The following CARMIL1 variants were observed in gnomAD, a reference collection of about 807,000 sequenced individuals.
CARMIL1 encodes F-actin-uncapping protein LRRC16A.
A neutral mutation model predicts 177.1 loss-of-function variants in CARMIL1; 90 were observed. That is an observed-to-expected ratio of 0.51 (90% CI 0.43 to 0.61). The LOEUF is 0.61. CARMIL1 is among the 20% of genes least tolerant of loss of function. The pLI, the probability that CARMIL1 is intolerant of heterozygous loss-of-function variation, is 0.00. For synonymous variants in CARMIL1, 577 were observed against 606.2 expected, an observed-to-expected ratio of 0.95 and a Z score of 0.71; for missense variants, 1,380 against 1,667.0, an observed-to-expected ratio of 0.83 and a Z score of 3.00.
At chr6:25,528,968 C>T (rs1055822664) in intron 24 of CARMIL1, 75 bp downstream of exon 24, 12 of 1,128,198 alleles carry the variant, frequency 1.1e-5, no homozygotes, top group South Asian at 8.5e-5. Flanking sequence ...TTCTAGCATT[C>T]GAGTAATTTC....
chr6:25,487,487 T>C (rs1321084039), intron 12 of CARMIL1, among the ~76,000 whole-genome samples: 1 of 152,230 alleles, frequency 6.6e-6, no homozygotes, highest in Non-Finnish European at 1.5e-5. Flanking sequence ...AAATAATTTA[T>C]AAAAGGATAC....
intron 2 of CARMIL1, among the ~76,000 whole-genome samples, chr6:25,309,621 G>C (rs116396574): frequency 1.4e-3 from 212 of 151,862 alleles, no homozygotes; most frequent in African/African-American, 4.8e-3. Context: ...TATATAAATG[G>C]AATTATATAA....
chr6:25,504,926 C>A (rs941634987), intron 17 of CARMIL1, among the ~76,000 whole-genome samples: 6 of 152,114 alleles, frequency 3.9e-5, no homozygotes, highest in African/African-American at 9.7e-5. Context: ...GTTTTCAGGG[C>A]CAGCGTCTGG....
chr6:25,337,442 A>G (rs1030401500), intron 2 of CARMIL1, among the ~76,000 whole-genome samples: 3 of 152,206 alleles, frequency 2.0e-5, no homozygotes, highest in African/African-American at 7.2e-5. Context: ...ACCTCTATAT[A>G]ATATAAGGAT....
At chr6:25,488,639 G>C in intron 13 of CARMIL1, 54 bp downstream of exon 13, 1 of 1,367,350 alleles carries the variant, frequency 7.3e-7, no homozygotes, top group Non-Finnish European at 1.0e-6. Flanking sequence ...TAATAAGCCT[G>C]GAATAATTCT....
At chr6:25,371,349 TG>T (rs999504409) in intron 2 of CARMIL1, among the ~76,000 whole-genome samples, 1 of 152,232 alleles carries the variant, frequency 6.6e-6, no homozygotes, top group Admixed American at 6.5e-5. Context: ...CCATAGAGGT[TG>T]TACTAATTTA....
chr6:25,301,862 T>G (rs1581494593), intron 2 of CARMIL1, among the ~76,000 whole-genome samples: 1 of 152,200 alleles, frequency 6.6e-6, no homozygotes, highest in African/African-American at 2.4e-5. Context: ...TTCAGAAAAC[T>G]TCAGGCCTTA....
At chr6:25,351,218 G>A (rs1259937474) in intron 2 of CARMIL1, among the ~76,000 whole-genome samples, 1 of 151,856 alleles carries the variant, frequency 6.6e-6, no homozygotes, top group African/African-American at 2.4e-5. Flanking sequence ...GACCTACTGT[G>A]AAACAAAGGA....
At chr6:25,418,426 G>T (rs768797554) in intron 2 of CARMIL1, among the ~76,000 whole-genome samples, 39 of 151,852 alleles carry the variant, frequency 2.6e-4, no homozygotes, top group Non-Finnish European at 5.0e-4. Flanking sequence ...AGCCAGTCTT[G>T]CTACTACCGA....
rs1370793907 is a variant in CARMIL1 at position 25,600,581 on chromosome 6, T to C, written c.3387T>C (p.Pro1129=). The C allele has an allele frequency of 6.2e-7, 1 of 1,613,946 alleles. No homozygotes were observed. Among genetic ancestry groups the C allele is most frequent in the African/African-American group, 1.3e-5 (1 of 75,016 alleles). ...NSERIEEIKT[P]DSFEESQGEE... ...AACGGATAGAGGAGATAAAAACACC[T>C]GACTCCTTTGAAGAGAGTCAAGGGG... Residue 1129 remains proline, a synonymous_variant, in exon 33 of 37, where the codon CCT becomes CCC. Transcript: ENST00000329474.
intron 21 of CARMIL1, among the ~76,000 whole-genome samples, chr6:25,516,347 C>T (rs1452280532): frequency 2.0e-5 from 3 of 152,190 alleles, no homozygotes; most frequent in Non-Finnish European, 4.4e-5. Flanking sequence ...CAGTTTTATT[C>T]CATGTTTCCT....
intron 2 of CARMIL1, among the ~76,000 whole-genome samples, chr6:25,396,017 A>G (rs1339600473): frequency 2.0e-5 from 3 of 152,284 alleles, no homozygotes; most frequent in Admixed American, 2.0e-4. Context: ...CTCTACTGCC[A>G]CTGAAGGGTG....
intron 2 of CARMIL1, among the ~76,000 whole-genome samples, chr6:25,330,375 G>T (rs1466287023): frequency 1.3e-5 from 2 of 152,162 alleles, no homozygotes; most frequent in African/African-American, 4.8e-5. Flanking sequence ...TGCAGGAAGG[G>T]CTAAGATATG....
intron 3 of CARMIL1, among the ~76,000 whole-genome samples, chr6:25,424,490 G>C (rs189350105): frequency 6.6e-6 from 1 of 152,262 alleles, no homozygotes; most frequent in South Asian, 2.1e-4. Context: ...ATAGCTGTTA[G>C]CATGTAAGAG....
At chr6:25,599,023 C>A (rs1815129081) in intron 32 of CARMIL1, among the ~76,000 whole-genome samples, 1 of 152,224 alleles carries the variant, frequency 6.6e-6, no homozygotes, top group African/African-American at 2.4e-5. Flanking sequence ...TTTCGTGATC[C>A]TCACTCAGCT....
At chr6:25,606,523 A>G (rs1397941668) in intron 35 of CARMIL1, among the ~76,000 whole-genome samples, 3 of 152,182 alleles carry the variant, frequency 2.0e-5, no homozygotes, top group Non-Finnish European at 4.4e-5. Context: ...TCAGGGGTAC[A>G]GGTTAGTTTG....
At chr6:25,301,277 T>C (rs1031033118) in intron 2 of CARMIL1, among the ~76,000 whole-genome samples, 8 of 152,074 alleles carry the variant, frequency 5.3e-5, no homozygotes, top group African/African-American at 1.9e-4. Context: ...CATGAGGAGA[T>C]GAAGAGGCTC....
intron 2 of CARMIL1, among the ~76,000 whole-genome samples, chr6:25,329,817 C>T (rs192920218): frequency 5.4e-4 from 82 of 152,286 alleles, no homozygotes; most frequent in Admixed American, 1.1e-3. Flanking sequence ...GAAAAGATAA[C>T]AGGGATATCT....
At chr6:25,325,488 C>G (rs1217529387) in intron 2 of CARMIL1, among the ~76,000 whole-genome samples, 1 of 152,164 alleles carries the variant, frequency 6.6e-6, no homozygotes, top group Non-Finnish European at 1.5e-5. Context: ...TTTTCCCCTA[C>G]AGTTTTCATA....
Sources: allele counts gnomAD v4.1 joint callset (sites outside exome capture counted in the v4.1 genomes callset), GRCh38; gene constraint gnomAD v4.1.1; transcripts MANE v1.5; gene names NCBI Gene and HGNC (gene_info 2026-07-23, HGNC 2026-07-21).